ANKS1A: variants seen among roughly 807,000 people sequenced by gnomAD.
ANKS1A encodes the protein ankyrin repeat and SAM domain-containing protein 1A.
ANKS1A carries 55 observed loss-of-function variants against 120.3 expected under a neutral mutation model. The observed-to-expected ratio is 0.46, with a 90% CI of 0.37 to 0.57. The LOEUF (loss-of-function observed/expected upper bound fraction) is 0.57, where lower values mean the gene tolerates loss of function less well. Ranked by LOEUF, ANKS1A falls within the 20% of genes least tolerant of loss-of-function variation. The pLI, the probability that ANKS1A is intolerant of heterozygous loss-of-function variation, is 0.00. For missense variants in ANKS1A, 1,123 were observed against 1,480.3 expected (o/e 0.76, Z 3.96); for synonymous variants, 590 against 604.7 (o/e 0.98, Z 0.36).
At chr6:34,965,260 A>G (rs543674815) in intron 1 of ANKS1A, among the ~76,000 whole-genome samples, 1 of 152,270 alleles carries the variant, frequency 6.6e-6, no homozygotes, top group African/African-American at 2.4e-5. Flanking sequence ...GTCTTATTAC[A>G]TAGCAATGTA....
chr6:34,938,401 C>A (rs772566078), intron 1 of ANKS1A, among the ~76,000 whole-genome samples: 7 of 152,172 alleles, frequency 4.6e-5, no homozygotes, highest in Non-Finnish European at 7.3e-5. Flanking sequence ...TGTGTCATTG[C>A]CCCTGCCCTG....
At chr6:35,061,183 C>T (rs1272141112) in intron 13 of ANKS1A, among the ~76,000 whole-genome samples, 1 of 152,198 alleles carries the variant, frequency 6.6e-6, no homozygotes, top group Non-Finnish European at 1.5e-5. Flanking sequence ...GTCCCTTGCT[C>T]AGGGTCACAC....
Position 35,017,681 on chromosome 6 carries a change from G to A in ANKS1A, c.1632G>A (p.Leu544=), listed in dbSNP as rs1319235152. 1 of 1,614,046 alleles carries A rather than the reference G, an allele frequency of 6.2e-7. No individual in the cohort carries two copies. The highest frequency in any genetic ancestry group is 1.1e-5 in the South Asian group (1 of 91,078). ...QGACHKASMQ[L]EETGVHAPGA... ...CCTGCCACAAGGCCAGCATGCAGCT[G>A]GAGGAGACGGGTGTGCATGCTCCTG... The change falls in exon 11 of 24, where the codon CTG becomes CTA. Residue 544 remains leucine, a synonymous_variant. Coordinates refer to ENST00000360359, the MANE Select transcript of ANKS1A (RefSeq NM_015245.3).
chr6:35,024,249 C>T (rs1774499137), intron 11 of ANKS1A, among the ~76,000 whole-genome samples: 1 of 152,194 alleles, frequency 6.6e-6, no homozygotes, highest in Admixed American at 6.5e-5. Context: ...CACACACACA[C>T]AGCACCAATT....
intron 10 of ANKS1A, among the ~76,000 whole-genome samples, chr6:35,001,016 TA>T: frequency 6.6e-6 from 1 of 152,170 alleles, no homozygotes; most frequent in Non-Finnish European, 1.5e-5. Context: ...TAACAAAAAT[TA>T]TGAAAGGTTA....
intron 11 of ANKS1A, among the ~76,000 whole-genome samples, chr6:35,034,834 T>A (rs1444047347): frequency 6.6e-6 from 1 of 152,194 alleles, no homozygotes; most frequent in African/African-American, 2.4e-5. Context: ...TGATGATTGA[T>A]CCCTGTGACA....
At chr6:34,923,298 T>G (rs1048773425) in intron 1 of ANKS1A, among the ~76,000 whole-genome samples, 1 of 152,230 alleles carries the variant, frequency 6.6e-6, no homozygotes, top group Admixed American at 6.5e-5. Flanking sequence ...AATACTGACT[T>G]TAAAAGTTTG....
At chr6:34,908,135 G>T (rs1318546468) in intron 1 of ANKS1A, among the ~76,000 whole-genome samples, 1 of 152,214 alleles carries the variant, frequency 6.6e-6, no homozygotes, top group Non-Finnish European at 1.5e-5. Flanking sequence ...ATTGAGCCAG[G>T]GATGTAAATA....
At chr6:35,064,892 A>G (rs1477674946) in intron 13 of ANKS1A, among the ~76,000 whole-genome samples, 1 of 152,090 alleles carries the variant, frequency 6.6e-6, no homozygotes, top group Admixed American at 6.6e-5. Context: ...AAACAGGAGG[A>G]TCAGTGGAGC....
rs935543760 is a variant in ANKS1A, at chr6:34,933,562, G to T, written c.198-33677G>T. On this transcript the variant is annotated intron_variant, in intron 1 of 23. Transcript: ENST00000360359. ...GTTTTGTATTTTTAGTAGAGACGGG[G>T]TTTCTCCATGTTGGTCAGGCTAGTT... 3.2e-4 allele frequency among the ~76,000 whole-genome samples: 48 copies of T among 152,112 alleles called. 1 individual carries two copies. The highest frequency in any genetic ancestry group is 3.1e-3 in the Admixed American group (48 of 15,274).
chr6:34,913,066 T>C (rs1767980032), intron 1 of ANKS1A, among the ~76,000 whole-genome samples: 1 of 152,258 alleles, frequency 6.6e-6, no homozygotes, highest in South Asian at 2.1e-4. Flanking sequence ...TGTTAGGCCC[T>C]GTGTTAGGAG....
chr6:34,982,643 G>A lies in ANKS1A; in HGVS notation c.733-109G>A, dbSNP rs1038109882. On this transcript the variant is annotated intron_variant, in intron 4 of 23. Transcript: ENST00000360359. This position sits in a 1 kb window ranked among gnomAD's most constrained non-coding sequence, Gnocchi z 4.9. ...GAAAGATAATGACAGAGGGCTTTGT[G>A]TAGTTTGTTTTATTTTGTGTCCCTT... 5.5e-6 allele frequency: 6 copies of A among 1,083,378 alleles called. No individual in the cohort carries two copies. Among genetic ancestry groups the A allele is most frequent in the South Asian group, 1.3e-5 (1 of 75,846 alleles). The allele number at this position is 1,083,378 out of a possible 1,614,324, so 67.1% of individuals were successfully genotyped here.
chr6:34,962,931 G>A (rs1179312496), intron 1 of ANKS1A, among the ~76,000 whole-genome samples: 1 of 148,966 alleles, frequency 6.7e-6, no homozygotes. Flanking sequence ...GCACGATCTC[G>A]GCTCACTGCA....
intron 10 of ANKS1A, among the ~76,000 whole-genome samples, chr6:35,002,124 A>G (rs914220757): frequency 1.3e-5 from 2 of 152,170 alleles, no homozygotes; most frequent in Admixed American, 1.3e-4. Flanking sequence ...ATCCCCGCAT[A>G]ACCATTGAAG....
chr6:34,930,585 G>A (rs1768931373), intron 1 of ANKS1A, among the ~76,000 whole-genome samples: 5 of 152,164 alleles, frequency 3.3e-5, no homozygotes, highest in Admixed American at 3.3e-4. Flanking sequence ...GATGTCCTCT[G>A]GTGGGCTCTG....
downstream of ANKS1A, among the ~76,000 whole-genome samples, chr6:35,093,509 T>C (rs1017583073): frequency 6.6e-6 from 1 of 152,110 alleles, no homozygotes; most frequent in Admixed American, 6.5e-5. Flanking sequence ...TTTGAGTCTA[T>C]AAAAACTAAA....
chr6:34,905,068 C>G (rs1221203476), intron 1 of ANKS1A, among the ~76,000 whole-genome samples: 1 of 152,248 alleles, frequency 6.6e-6, no homozygotes, highest in Non-Finnish European at 1.5e-5. Flanking sequence ...GCCTTAGCCT[C>G]CCAAAGTTCT....
intron 3 of ANKS1A, among the ~76,000 whole-genome samples, chr6:34,977,853 G>A (rs1420063883): frequency 8.5e-5 from 13 of 152,110 alleles, no homozygotes; most frequent in African/African-American, 3.1e-4. Context: ...CCTAACTTCA[G>A]TATCTGCCAA....
At chr6:34,915,986 C>CTTTTTTTT (rs202041070) in intron 1 of ANKS1A, among the ~76,000 whole-genome samples, 1 of 104,574 alleles carries the variant, frequency 9.6e-6, no homozygotes, top group Non-Finnish European at 1.9e-5. Context: ...ATGTCTGGAT[C>CTTTTTTTT]TTTTTTTTTT....
Sources: gnomAD v4.1 joint callset for allele counts (sites outside exome capture counted in the v4.1 genomes callset) on GRCh38, gnomAD v4.1.1 for gene constraint, Gnocchi (gnomAD v3.1) non-coding constraint, MANE v1.5 for transcripts, NCBI Gene and HGNC (gene_info 2026-07-23, HGNC 2026-07-21) for gene names.